Variants in EDNRB observed in about 807,000 individuals in gnomAD.
EDNRB encodes endothelin receptor type B, also known as Hirschsprung disease 2.
A neutral mutation model predicts 46.4 loss-of-function variants in EDNRB; 18 were observed. The ratio of observed to expected loss-of-function variants is 0.39; its 90% CI spans 0.27 to 0.57. The LOEUF (loss-of-function observed/expected upper bound fraction) is 0.57. Ranked by LOEUF, EDNRB falls within the 20% of genes least tolerant of loss-of-function variation. EDNRB has a pLI of 0.61. For missense variants in EDNRB, 434 were observed against 537.5 expected, an observed-to-expected ratio of 0.81 and a Z score of 1.90; for synonymous variants, 213 against 204.9, an observed-to-expected ratio of 1.04 and a Z score of -0.34.
chr13:77,967,052 A>G (rs1881602712), intron 1 of EDNRB, among the ~76,000 whole-genome samples: 1 of 152,220 alleles, frequency 6.6e-6, no homozygotes, highest in Non-Finnish European at 1.5e-5. Context: ...ATACAAAGTA[A>G]CCTAAGTGGA....
At chr13:77,968,673 T>C (rs1881645337) in intron 1 of EDNRB, among the ~76,000 whole-genome samples, 1 of 151,990 alleles carries the variant, frequency 6.6e-6, no homozygotes, top group Non-Finnish European at 1.5e-5. Flanking sequence ...GGATGAGGGG[T>C]AGGTAACAAC....
chr13:77,959,632 G>A (rs927166888), intron 1 of EDNRB, among the ~76,000 whole-genome samples: 1 of 152,218 alleles, frequency 6.6e-6, no homozygotes, highest in Non-Finnish European at 1.5e-5. Flanking sequence ...AAATTAGAAT[G>A]CCTCTCACCC....
At chr13:77,932,484 T>A (rs1443515288) in intron 1 of EDNRB, among the ~76,000 whole-genome samples, 1 of 152,184 alleles carries the variant, frequency 6.6e-6, no homozygotes, top group Non-Finnish European at 1.5e-5. Context: ...TCTTACAAAA[T>A]CCCTGTGAAA....
rs934308490 is a variant in EDNRB at position 77,900,412 on chromosome 13, C to A, written c.1085+109G>T. ...AAAAATTGGGAGTCTCCATGACTTC[C>A]TAAGGGTTAGAAAAATGGTAGTCTG... On this transcript the variant is annotated intron_variant, in intron 5 of 6. Transcript: ENST00000646607. 5 of 1,529,970 alleles carry A rather than the reference C, an allele frequency of 3.3e-6. No individual in the cohort carries two copies. The African/African-American group carries it at 6.9e-5, about 21-fold the overall frequency. The allele number at this position is 1,529,970 out of a possible 1,614,324, so 94.8% of individuals were successfully genotyped here.
At chr13:77,901,945 A>T (rs1214883725) in intron 3 of EDNRB, among the ~76,000 whole-genome samples, 1 of 151,986 alleles carries the variant, frequency 6.6e-6, no homozygotes, top group Non-Finnish European at 1.5e-5. Flanking sequence ...TATTCAATAG[A>T]AAATAATCAT....
chr13:77,910,227 C>T (rs1355803696), intron 1 of EDNRB, among the ~76,000 whole-genome samples: 1 of 152,016 alleles, frequency 6.6e-6, no homozygotes, highest in East Asian at 1.9e-4. Flanking sequence ...CTTTGCCAGA[C>T]TGCAGTCTAT....
At chr13:77,928,592 T>C (rs529236570) in intron 1 of EDNRB, among the ~76,000 whole-genome samples, 1 of 152,318 alleles carries the variant, frequency 6.6e-6, no homozygotes, top group South Asian at 2.1e-4. Flanking sequence ...TAACAACACA[T>C]TTAAGTTTTT....
In EDNRB at chr13:77,974,099, G is replaced by A. The variant is rs1252942700; in HGVS notation, c.-52+1248C>T. 2.0e-5 allele frequency among the ~76,000 whole-genome samples: 3 copies of A among 151,826 alleles called. No individual in the cohort carries two copies. The South Asian group carries it at 6.2e-4, about 32-fold the overall frequency. On this transcript the variant is annotated intron_variant, in intron 1 of 7. Transcript: ENST00000646948. ...CTTTTGTTGAAAACCTTGCAAGTTT[G>A]GGATTTTAATTATCTTTTGCTATTA...
chr13:77,973,160 C>T (rs1331585639), intron 1 of EDNRB, among the ~76,000 whole-genome samples: 2 of 152,080 alleles, frequency 1.3e-5, no homozygotes, highest in East Asian at 3.9e-4. Flanking sequence ...ACTTTATAGT[C>T]CTTAGTGCCT....
chr13:77,961,588 C>G (rs1393639734), intron 1 of EDNRB, among the ~76,000 whole-genome samples: 1 of 152,106 alleles, frequency 6.6e-6, no homozygotes, highest in African/African-American at 2.4e-5. Context: ...CCAATGAGAA[C>G]AAAGACACAA....
rs753395287 is a variant in EDNRB at position 77,918,185 on chromosome 13, T to G, written c.389A>C (p.Lys130Thr). Residue 130 changes from lysine (K) to threonine (T), a missense_variant, in exon 1 of 7, where the codon AAG becomes ACG. Transcript: ENST00000646607. This position sits in a 1 kb window ranked among gnomAD's most constrained non-coding sequence, Gnocchi z 4.5. Reference sequence around the variant, plus strand: ...GATATTGGGACCGTTTCGCATGCACTTGTTCTTGTAGATAATTCTCAGAAG... The same window carrying G: ...GATATTGGGACCGTTTCGCATGCACGTGTTCTTGTAGATAATTCTCAGAAG... ...STLLRIIYKN[K>T]CMRNGPNILI... 3 of 1,614,048 alleles carry G rather than the reference T, an allele frequency of 1.9e-6. No individual in the cohort carries two copies. The highest frequency in any genetic ancestry group is 2.5e-6 in the Non-Finnish European group (3 of 1,180,040).
Position 77,908,042 on chromosome 13 carries a change from A to AG in EDNRB, c.484-4436_484-4435insC, listed in dbSNP as rs1296518457. On this transcript the variant is annotated intron_variant, in intron 1 of 6. Coordinates refer to ENST00000646607, the MANE Select transcript of EDNRB (RefSeq NM_001122659.3). ...ACTGCAAAAAAAAAAAAAAAAAAAA[A>AG]AAGAGAGAGAGAGCATTAACCTTTA... 9.4e-3 allele frequency among the ~76,000 whole-genome samples: 851 copies of AG among 90,470 alleles called. 8 individuals carry two copies. Among genetic ancestry groups the AG allele is most frequent in the African/African-American group, 0.033 (762 of 23,446 alleles). The allele number at this position is 90,470 out of a possible 152,430, so 59.4% of individuals were successfully genotyped here.
intron 1 of EDNRB, among the ~76,000 whole-genome samples, chr13:77,928,757 A>C (rs1307217432): frequency 1.3e-5 from 2 of 152,216 alleles, no homozygotes; most frequent in Non-Finnish European, 2.9e-5. Flanking sequence ...GGAAAAGCTG[A>C]ATTTGCTCTA....
intron 1 of EDNRB, among the ~76,000 whole-genome samples, chr13:77,941,998 A>G (rs1024229680): frequency 6.6e-6 from 1 of 152,224 alleles, no homozygotes; most frequent in Non-Finnish European, 1.5e-5. Flanking sequence ...GCAACCAGCT[A>G]TGCTGACCTG....
intron 1 of EDNRB, among the ~76,000 whole-genome samples, chr13:77,942,754 C>T (rs561427365): frequency 6.6e-6 from 1 of 150,806 alleles, no homozygotes; most frequent in South Asian, 2.1e-4. Context: ...TCATAAGCTG[C>T]TGATTCAAAT....
chr13:77,959,698 T>C (rs1488342509), intron 1 of EDNRB, among the ~76,000 whole-genome samples: 3 of 152,156 alleles, frequency 2.0e-5, no homozygotes, highest in African/African-American at 7.2e-5. Context: ...GGAGAATAAC[T>C]TTGACGAATT....
At chr13:77,958,347 TA>T (rs1204452477) in intron 1 of EDNRB, among the ~76,000 whole-genome samples, 2 of 11,102 alleles carry the variant, frequency 1.8e-4, no homozygotes, top group East Asian at 9.2e-3. Context: ...CAGGTTATTT[TA>T]TTTATTTATT....
Position 77,918,612 on chromosome 13 carries a change from G to A in EDNRB, c.-39C>T, listed in dbSNP as rs1879945423. 1.3e-6 allele frequency: 2 copies of A among 1,557,768 alleles called. No individual in the cohort carries two copies. Among genetic ancestry groups the A allele is most frequent in the Non-Finnish European group, 1.7e-6 (2 of 1,163,094 alleles). Reference sequence around the variant, plus strand: ...CCAGAAGGCGTCCGGTGGCCGCTCCGCAGTTTCAGAGCCTAGAGACAAGCA... The same window carrying A: ...CCAGAAGGCGTCCGGTGGCCGCTCCACAGTTTCAGAGCCTAGAGACAAGCA... On this transcript the variant is annotated 5_prime_UTR_variant, in exon 1 of 7. Coordinates refer to ENST00000646607, the MANE Select transcript of EDNRB (RefSeq NM_001122659.3). The surrounding 1 kb of genome is among the most constrained non-coding windows in gnomAD (Gnocchi z 4.5).
intron 1 of EDNRB, among the ~76,000 whole-genome samples, chr13:77,960,596 A>C (rs1327357860): frequency 6.6e-6 from 1 of 152,238 alleles, no homozygotes; most frequent in Non-Finnish European, 1.5e-5. Context: ...CCAAATTGTA[A>C]AGACCATCGA....
Sources: allele counts gnomAD v4.1 joint callset (sites outside exome capture counted in the v4.1 genomes callset), GRCh38; gene constraint gnomAD v4.1.1; non-coding constraint Gnocchi (gnomAD v3.1); transcripts MANE v1.5; gene names NCBI Gene and HGNC (gene_info 2026-07-23, HGNC 2026-07-21).